Variants in BIRC6 observed in about 807,000 individuals in gnomAD.
BIRC6 encodes baculoviral IAP repeat containing 6, also known as dual E2 ubiquitin-conjugating enzyme/E3 ubiquitin-protein ligase BIRC6.
In BIRC6, 98 loss-of-function variants were observed where a neutral mutation model predicts 503.3. The ratio of observed to expected loss-of-function variants is 0.19; its 90% confidence interval spans 0.17 to 0.23. BIRC6 has a LOEUF of 0.23. Ranked by LOEUF, BIRC6 falls within the 10% of genes least tolerant of loss-of-function variation. The pLI, the probability that BIRC6 is intolerant of heterozygous loss-of-function variation, is 1.00. For missense variants in BIRC6, 5,360 were observed against 5,806.0 expected, an observed-to-expected ratio of 0.92 and a Z score of 2.50; for synonymous variants, 2,240 against 2,078.7, an observed-to-expected ratio of 1.08 and a Z score of -2.11.
At chr2:32,571,340 T>C (rs1230849276) in intron 65 of BIRC6, among the ~76,000 whole-genome samples, 1 of 150,574 alleles carries the variant, frequency 6.6e-6, no homozygotes, top group Admixed American at 6.6e-5. Flanking sequence ...TGTTTTTATA[T>C]TTGGTAGAAT....
chr2:32,463,200 C>A lies in BIRC6; in HGVS notation c.4760C>A (p.Ser1587Tyr). Residue 1587 changes from serine (S) to tyrosine (Y), a missense_variant, in exon 24 of 74, where the codon TCC (serine) becomes TAC (tyrosine). Transcript: ENST00000421745. ...TRIERDDAMS[S>Y]FGVTPAVGGL... Reference sequence around the variant, plus strand: ...ACCCCTTGTCTTATGCCAGTGAGTTCCTTCGGGGTTACTCCTGCAGTAGGT... The same window carrying A: ...ACCCCTTGTCTTATGCCAGTGAGTTACTTCGGGGTTACTCCTGCAGTAGGT... The A allele has an allele frequency of 6.2e-7, 1 of 1,607,736 alleles. No individual in the cohort carries two copies. Among genetic ancestry groups the A allele is most frequent in the South Asian group, 1.1e-5 (1 of 89,770 alleles).
intron 65 of BIRC6, among the ~76,000 whole-genome samples, chr2:32,551,641 A>G (rs1477000435): frequency 1.3e-5 from 2 of 152,168 alleles, no homozygotes; most frequent in Non-Finnish European, 2.9e-5. Flanking sequence ...TAGACTTAGT[A>G]AAATTTCTAT....
intron 1 of BIRC6, among the ~76,000 whole-genome samples, chr2:32,369,978 A>G (rs1431298849): frequency 5.5e-5 from 3 of 54,304 alleles, no homozygotes; most frequent in African/African-American, 7.5e-5. Flanking sequence ...ATATATATAT[A>G]TATATATGTA....
chr2:32,392,215 A>G, intron 5 of BIRC6, 65 bp downstream of exon 5: 1 of 1,140,182 alleles, frequency 8.8e-7, no homozygotes, highest in South Asian at 1.4e-5. Flanking sequence ...CAAAATTATC[A>G]CATTTTTTTA....
At chr2:32,572,125 G>C (rs2059956310) in intron 65 of BIRC6, among the ~76,000 whole-genome samples, 1 of 152,094 alleles carries the variant, frequency 6.6e-6, no homozygotes, top group African/African-American at 2.4e-5. Context: ...ATTTTGTTAA[G>C]ACTCCTTTTA....
chr2:32,430,807 T>TC (rs1387220758), intron 11 of BIRC6, 58 bp from the exon 12 acceptor site: 19 of 488,144 alleles, frequency 3.9e-5, no homozygotes, highest in South Asian at 1.5e-4. Context: ...ATTGTCTTCT[T>TC]TTTTTTTTTT....
intron 56 of BIRC6, 96 bp downstream of exon 56, chr2:32,518,493 A>T (rs935511704): frequency 6.2e-6 from 8 of 1,292,014 alleles, no homozygotes; most frequent in Non-Finnish European, 8.5e-6. Context: ...AACTTCGAGT[A>T]TAGCAAAGTG....
At chr2:32,366,587 T>C (rs115761789) in intron 1 of BIRC6, among the ~76,000 whole-genome samples, 2,492 of 152,296 alleles carry the variant, frequency 0.016, 52 homozygotes, top group African/African-American at 0.058. Context: ...TTCTGTAATA[T>C]AGTATGTAAG....
In BIRC6 at chr2:32,445,702, G is replaced by A. The variant is rs368825253; in HGVS notation, c.4484+34G>A. On this transcript the variant is annotated intron_variant, in intron 21 of 73. Transcript: ENST00000421745. ...GTATATCTAATGACTAATAATAGGC[G>A]TCTCTGAGTATGATCACGCTTTTGC... 139 of 1,412,226 alleles carry A rather than the reference G, an allele frequency of 9.8e-5. 2 individuals carry two copies. The Middle Eastern group carries it at 1.1e-3, about 11-fold the overall frequency. 87.5% of individuals were successfully genotyped at this position (1,412,226 alleles called of 1,614,324 possible).
At chr2:32,382,243 T>C (rs1217663695) in intron 3 of BIRC6, among the ~76,000 whole-genome samples, 1 of 152,158 alleles carries the variant, frequency 6.6e-6, no homozygotes, top group Admixed American at 6.5e-5. Flanking sequence ...ACTCAGGAGC[T>C]TGGACGAGGG....
At chr2:32,497,559 C>T (rs1226121962) in intron 45 of BIRC6, among the ~76,000 whole-genome samples, 1 of 152,134 alleles carries the variant, frequency 6.6e-6, no homozygotes, top group Non-Finnish European at 1.5e-5. Context: ...TTCAGGTTTT[C>T]TCTTCTTGAT....
chr2:32,586,601 T>C (rs2061052954), intron 66 of BIRC6, among the ~76,000 whole-genome samples: 1 of 151,798 alleles, frequency 6.6e-6, no homozygotes, highest in Admixed American at 6.6e-5. Flanking sequence ...GTGTTTATAG[T>C]AGAGATGGGG....
At chr2:32,580,480 C>T (rs1248444754) in intron 66 of BIRC6, among the ~76,000 whole-genome samples, 1 of 152,074 alleles carries the variant, frequency 6.6e-6, no homozygotes, top group Non-Finnish European at 1.5e-5. Flanking sequence ...GTTTGGTGTG[C>T]CTGAGCATAG....
chr2:32,537,768 C>T (rs62136328), intron 61 of BIRC6, among the ~76,000 whole-genome samples: 1 of 152,010 alleles, frequency 6.6e-6, no homozygotes, highest in South Asian at 2.1e-4. Flanking sequence ...AGATCGAGAC[C>T]ATCCTGGCTA....
intron 65 of BIRC6, chr2:32,564,551 A>T (rs1030445102): frequency 6.6e-6 from 1 of 152,154 alleles, no homozygotes; most frequent in Non-Finnish European, 1.5e-5. Context: ...TGGGTGTGAG[A>T]TGGTATCTCA....
rs1265180862 is a variant in BIRC6, at chr2:32,467,592, T to C, written c.5424T>C (p.Thr1808=). 1.2e-6 allele frequency: 2 copies of C among 1,613,844 alleles called. No individual in the cohort carries two copies. The highest frequency in any genetic ancestry group is 1.3e-5 in the African/African-American group (1 of 74,912). The part of the protein sequence containing the change: ...PILLTDVLIP[T]CGDLASLSID... The stretch of plus-strand genomic sequence containing the variant: ...TGTTGACTGATGTATTGATTCCCAC[T>C]TGTGGAGACTTGGCCTCTTTGTCAA... The change falls in exon 27 of 74, where the codon ACT becomes ACC. Residue 1808 remains threonine (T), a synonymous_variant. Transcript: ENST00000421745.
chr2:32,454,786 A>T (rs183160873), intron 23 of BIRC6, among the ~76,000 whole-genome samples: 1 of 152,158 alleles, frequency 6.6e-6, no homozygotes, highest in Non-Finnish European at 1.5e-5. Context: ...TCAGTTCTTT[A>T]TTTGAGTGTC....
At chr2:32,467,799 A>T in intron 27 of BIRC6, 60 bp downstream of exon 27, 1 of 1,475,318 alleles carries the variant, frequency 6.8e-7, no homozygotes, top group Non-Finnish European at 9.1e-7. Flanking sequence ...AGTTATGAAA[A>T]ATGAATATAT....
At position 32,617,862 on chromosome 2, in the gene BIRC6, ACC is replaced by A; in HGVS notation, c.14534_14535del (p.Pro4845GlnfsTer9). 1.2e-6 allele frequency: 2 copies of A among 1,613,882 alleles called. No individual in the cohort carries two copies. The highest frequency in any genetic ancestry group is 1.7e-6 in the Non-Finnish European group (2 of 1,179,824). Reference protein sequence around the residue: ...EETLMHDQVKPSSSKELPSDF... With the variant: ...EETLMHDQVKXSSSKELPSDF... The stretch of plus-strand genomic sequence containing the variant: ...AGACTCTAATGCATGATCAGGTTAA[ACC>A]CAGCAGCAGCAAAGAACTCCCCAGT... On this transcript the variant is annotated frameshift_variant, in exon 74 of 74. Transcript: ENST00000421745. LOFTEE classifies it high-confidence loss of function.
Sources: gnomAD v4.1 joint callset for allele counts (sites outside exome capture counted in the v4.1 genomes callset) on GRCh38, gnomAD v4.1.1 for gene constraint, MANE v1.5 for transcripts, NCBI Gene and HGNC (gene_info 2026-07-23, HGNC 2026-07-21) for gene names.